Variants in UBE2T observed in about 807,000 individuals in gnomAD.
UBE2T encodes the protein ubiquitin-conjugating enzyme E2 T.
Under a neutral mutation model 23.3 loss-of-function variants are expected in UBE2T, and 15 were observed. That is an observed-to-expected ratio of 0.64 (90% CI 0.43 to 0.99). The LOEUF (loss-of-function observed/expected upper bound fraction) is 0.99, where lower values mean the gene tolerates loss of function less well. UBE2T is among the 50% of genes least tolerant of loss of function. The probability of loss-of-function intolerance (pLI) is 0.00; values close to 1 mark genes in which losing one functional copy is unlikely to be tolerated. For synonymous variants in UBE2T, 67 were observed against 78.4 expected (o/e 0.85, Z 0.77); for missense variants, 197 against 234.9 (o/e 0.84, Z 1.05).
intron 1 of UBE2T, among the ~76,000 whole-genome samples, chr1:202,339,822 T>C (rs1421293966): frequency 6.6e-6 from 1 of 152,084 alleles, no homozygotes; most frequent in Non-Finnish European, 1.5e-5. Context: ...GAAGGATCAC[T>C]TGAGGCCAGG....
chr1:202,341,659 G>C (rs1398473514), intron 1 of UBE2T, among the ~76,000 whole-genome samples: 7 of 149,164 alleles, frequency 4.7e-5, no homozygotes, highest in African/African-American at 1.7e-4. Flanking sequence ...GTCCCTTCTA[G>C]TGGCAAATTT....
chr1:202,337,191 T>A (rs1362135877), intron 1 of UBE2T, among the ~76,000 whole-genome samples: 1 of 152,174 alleles, frequency 6.6e-6, no homozygotes, highest in East Asian at 1.9e-4. Flanking sequence ...TCCACCCACC[T>A]CAGCCTCCCA....
intron 3 of UBE2T, among the ~76,000 whole-genome samples, 153 bp downstream of exon 3, chr1:202,334,836 C>T (rs955563696): frequency 6.6e-6 from 1 of 152,074 alleles, no homozygotes; most frequent in East Asian, 1.9e-4. Context: ...AACTGAACTC[C>T]AGAGAGAGAA....
Position 202,335,534 on chromosome 1 carries a change from C to T in UBE2T, c.109+112G>A. 1 of 978,098 alleles carries T rather than the reference C, an allele frequency of 1.0e-6. No individual in the cohort carries two copies. Among genetic ancestry groups the T allele is most frequent in the South Asian group, 1.6e-5 (1 of 62,980 alleles). 60.6% of individuals were successfully genotyped at this position (978,098 alleles called of 1,614,324 possible). A position where few individuals can be genotyped will look rare whatever the true frequency, so the allele number is the denominator to read the frequency against. The stretch of plus-strand genomic sequence containing the variant: ...AAATTTGGGTAGAAAGATGGTAGGG[C>T]ACTCTGACCTTATAACTGCTCCTTA... On this transcript the variant is annotated intron_variant, in intron 2 of 6. Transcript: ENST00000646651. The surrounding 1 kb of genome is among the most constrained non-coding windows in gnomAD (Gnocchi z 4.0).
intron 1 of UBE2T, among the ~76,000 whole-genome samples, chr1:202,337,375 T>C (rs901034129): frequency 1.3e-5 from 2 of 152,238 alleles, no homozygotes; most frequent in Admixed American, 6.5e-5. Flanking sequence ...ATTTATACTT[T>C]GTGTATTAAA....
Position 202,333,088 on chromosome 1 carries a change from T to C in UBE2T, c.390A>G (p.Ser130=), listed in dbSNP as rs1571469945. ...AGGCTGGCTTATTATATTTAAATTC[T>C]GAGGACTGAGATGAAATCAAAGAAA... ...PDDPLMADIS[S]EFKYNKPAFL... The change falls in exon 6 of 7, where the codon TCA becomes TCG. Residue 130 remains serine, a synonymous_variant. Transcript: ENST00000646651. 6.2e-7 allele frequency: 1 copy of C among 1,613,704 alleles called. No individual in the cohort carries two copies. Among genetic ancestry groups the C allele is most frequent in the East Asian group, 2.2e-5 (1 of 44,888 alleles).
rs746359402 is a variant in UBE2T, at chr1:202,335,934, C to T, written c.-64-116G>A. Reference sequence around the variant, plus strand: ...CAGAGTCCTCTTTTTTGTTTTGAGACACAGTTTCACTCTGTCACCCAGACT... The same window carrying T: ...CAGAGTCCTCTTTTTTGTTTTGAGATACAGTTTCACTCTGTCACCCAGACT... On this transcript the variant is annotated intron_variant, in intron 1 of 6. Transcript: ENST00000646651. The surrounding 1 kb of genome is among the most constrained non-coding windows in gnomAD (Gnocchi z 4.0). 5.3e-6 allele frequency: 3 copies of T among 569,964 alleles called. No homozygotes were observed. The highest frequency in any genetic ancestry group is 9.4e-6 in the Non-Finnish European group (3 of 319,624). 35.3% of individuals were successfully genotyped at this position (569,964 alleles called of 1,614,324 possible).
intron 3 of UBE2T, among the ~76,000 whole-genome samples, chr1:202,334,772 T>G (rs112435453): frequency 1.3e-5 from 2 of 152,332 alleles, no homozygotes; most frequent in African/African-American, 4.8e-5. Flanking sequence ...TTTATCACAA[T>G]TTAGAAAGTG....
At chr1:202,332,894 C>T (rs552050083) in intron 6 of UBE2T, 116 bp downstream of exon 6, 265 of 453,114 alleles carry the variant, frequency 5.8e-4, no homozygotes, top group Non-Finnish European at 6.9e-4. Flanking sequence ...GGCGACAGAG[C>T]GAGACTCCGT....
chr1:202,332,919 A>C (rs1316153755), intron 6 of UBE2T, 91 bp downstream of exon 6: 11 of 348,658 alleles, frequency 3.2e-5, no homozygotes, highest in Admixed American at 5.5e-5. Context: ...AAAAAAAAAA[A>C]AAAAAAAAAA....
chr1:202,333,563 A>G lies in UBE2T; in HGVS notation c.180-8T>C. On this transcript the variant is annotated splice_polypyrimidine_tract_variant and splice_region_variant and intron_variant, in intron 3 of 6. Transcript: ENST00000646651. The stretch of plus-strand genomic sequence containing the variant: ...GGAGGTTCAAATGGGTACCTATGAA[A>G]GAATAAGACAACAGATAATTTTCAT... 6.2e-7 allele frequency: 1 copy of G among 1,603,168 alleles called. No homozygotes were observed. Among genetic ancestry groups the G allele is most frequent in the Non-Finnish European group, 8.5e-7 (1 of 1,172,340 alleles).
intron 1 of UBE2T, among the ~76,000 whole-genome samples, chr1:202,339,789 C>G (rs1470894877): frequency 6.6e-6 from 1 of 152,030 alleles, no homozygotes; most frequent in Non-Finnish European, 1.5e-5. Flanking sequence ...CCTGTAATTG[C>G]AGCACTTTGG....
chr1:202,335,784 T>A lies in UBE2T; in HGVS notation c.-30A>T. 1 of 1,601,608 alleles carries A rather than the reference T, an allele frequency of 6.2e-7. No homozygotes were observed. The highest frequency in any genetic ancestry group is 8.6e-7 in the Non-Finnish European group (1 of 1,169,062). ...CCCAAGTAGAAGGAACCACACACAGTTCACTGCTCCACACTAAGAGCTGCC... is the reference window on the plus strand; with the variant it reads ...CCCAAGTAGAAGGAACCACACACAGATCACTGCTCCACACTAAGAGCTGCC... On this transcript the variant is annotated 5_prime_UTR_variant, in exon 2 of 7. Transcript: ENST00000646651. The surrounding 1 kb of genome is among the most constrained non-coding windows in gnomAD (Gnocchi z 4.0).
chr1:202,332,630 C>T (rs562183740), intron 6 of UBE2T, among the ~76,000 whole-genome samples: 17 of 152,062 alleles, frequency 1.1e-4, no homozygotes, highest in Admixed American at 3.3e-4. Flanking sequence ...TTATTTAGGC[C>T]GGGCGCGGTG....
Position 202,335,827 on chromosome 1 carries a change from GAA to G in UBE2T, c.-64-11_-64-10del, listed in dbSNP as rs1212923176. The G allele has an allele frequency of 3.7e-6, 5 of 1,336,364 alleles. No individual in the cohort carries two copies. The Admixed American group carries it at 9.1e-5, about 24-fold the overall frequency. The allele number at this position is 1,336,364 out of a possible 1,614,324, so 82.8% of individuals were successfully genotyped here. ...GAGCTGCCTGGGATGCACTGGAGGA[GAA>G]AAGAGGTGACCATAAAATCATCAGC... On this transcript the variant is annotated splice_polypyrimidine_tract_variant and intron_variant, in intron 1 of 6. Coordinates refer to ENST00000646651, the MANE Select transcript of UBE2T (RefSeq NM_014176.4). The surrounding 1 kb of genome is among the most constrained non-coding windows in gnomAD (Gnocchi z 4.0).
At chr1:202,332,725 G>A (rs546410582) in intron 6 of UBE2T, among the ~76,000 whole-genome samples, 2 of 150,238 alleles carry the variant, frequency 1.3e-5, no homozygotes, top group Non-Finnish European at 3.0e-5. Context: ...CGGCTAAAAC[G>A]GTGAAACCCC....
At chr1:202,338,403 T>C (rs946606448) in intron 1 of UBE2T, among the ~76,000 whole-genome samples, 1 of 152,058 alleles carries the variant, frequency 6.6e-6, no homozygotes, top group Non-Finnish European at 1.5e-5. Flanking sequence ...ATTTTTTTAG[T>C]AAAGACAGGG....
intron 3 of UBE2T, among the ~76,000 whole-genome samples, chr1:202,334,293 C>T (rs765941036): frequency 2.2e-4 from 33 of 152,116 alleles, no homozygotes; most frequent in Non-Finnish European, 4.7e-4. Flanking sequence ...AAGCCAAATA[C>T]CACATGCTCT....
chr1:202,332,886 C>T lies in UBE2T; in HGVS notation c.468+124G>A, dbSNP rs1429921863. ...TCCCGCCACTGCACTCCAGCCTGGG[C>T]GACAGAGCGAGACTCCGTCTCAAAA... On this transcript the variant is annotated intron_variant, in intron 6 of 6. Transcript: ENST00000646651. 14 of 420,522 alleles carry T rather than the reference C, an allele frequency of 3.3e-5. No individual in the cohort carries two copies. The African/African-American group carries it at 4.3e-4, about 13-fold the overall frequency. The allele number at this position is 420,522 out of a possible 1,614,324, so 26.0% of individuals were successfully genotyped here. A position where few individuals can be genotyped will look rare whatever the true frequency, so the allele number is the denominator to read the frequency against.
Sources: allele counts gnomAD v4.1 joint callset (sites outside exome capture counted in the v4.1 genomes callset), GRCh38; gene constraint gnomAD v4.1.1; non-coding constraint Gnocchi (gnomAD v3.1); transcripts MANE v1.5; gene names NCBI Gene and HGNC (gene_info 2026-07-23, HGNC 2026-07-21).